Variants in CFAP299 observed in about 807,000 individuals in gnomAD.
CFAP299 encodes cilia- and flagella-associated protein 299.
CFAP299 carries 21 observed loss-of-function variants against 27.0 expected under a neutral mutation model. The ratio of observed to expected loss-of-function variants is 0.78; its 90% CI spans 0.55 to 1.12. CFAP299 has a LOEUF of 1.12. Among genes scored for constraint, CFAP299 ranks in the 50% most tolerant of loss-of-function variants. The pLI is 0.00. For missense variants in CFAP299, 310 were observed against 276.6 expected (o/e 1.12, Z -0.86); for synonymous variants, 104 against 98.1 (o/e 1.06, Z -0.36).
intron 2 of CFAP299, among the ~76,000 whole-genome samples, chr4:80,457,946 C>A (rs148090234): frequency 4.5e-4 from 69 of 152,264 alleles, no homozygotes; most frequent in African/African-American, 1.6e-3. Context: ...TCCCGACGTC[C>A]ATTTCTATCC....
At chr4:80,904,108 T>C (rs1348432588) in intron 4 of CFAP299, among the ~76,000 whole-genome samples, 3 of 152,144 alleles carry the variant, frequency 2.0e-5, no homozygotes, top group Non-Finnish European at 2.9e-5. Flanking sequence ...AAATAGAAGG[T>C]TTTCCAGTTG....
chr4:80,848,458 A>G (rs969289867), intron 3 of CFAP299, among the ~76,000 whole-genome samples: 1 of 152,130 alleles, frequency 6.6e-6, no homozygotes. Flanking sequence ...ATTGTAGGCA[A>G]TTGTAACACA....
intron 1 of CFAP299, among the ~76,000 whole-genome samples, chr4:80,350,786 G>A (rs1484331597): frequency 2.0e-5 from 3 of 152,234 alleles, no homozygotes; most frequent in East Asian, 3.9e-4. Flanking sequence ...CCTGTTGGGG[G>A]TGGAGGGAAA....
chr4:80,429,499 GTTAAT>G (rs777711201), intron 2 of CFAP299, among the ~76,000 whole-genome samples: 13 of 152,060 alleles, frequency 8.5e-5, no homozygotes, highest in Non-Finnish European at 1.8e-4. Context: ...TTCCACACTT[GTTAAT>G]TTATTTTGGT....
chr4:80,406,958 G>A (rs1192319563), intron 2 of CFAP299, among the ~76,000 whole-genome samples: 1 of 151,886 alleles, frequency 6.6e-6, no homozygotes. Context: ...CAAAATCTGG[G>A]CAATACCATT....
At chr4:80,860,688 G>A (rs188418921) in intron 3 of CFAP299, among the ~76,000 whole-genome samples, 1 of 152,336 alleles carries the variant, frequency 6.6e-6, no homozygotes, top group African/African-American at 2.4e-5. Flanking sequence ...GACACTGTTT[G>A]CCTGGGTATC....
At position 80,447,414 on chromosome 4, in the gene CFAP299, C is replaced by T. The variant is rs532504562; in HGVS notation, c.242+84530C>T. 2.0e-5 allele frequency among the ~76,000 whole-genome samples: 3 copies of T among 148,402 alleles called. No homozygotes were observed. The East Asian group carries it at 6.1e-4, about 30-fold the overall frequency. ...CCTCCCAAAGTGCTGGGATTACAGG[C>T]GTGAGCCACCGCGCCCGGCCTATTT... On this transcript the variant is annotated intron_variant, in intron 2 of 5. Coordinates refer to ENST00000358105, the MANE Select transcript of CFAP299 (RefSeq NM_152770.3).
At chr4:80,798,374 T>C (rs1478387745) in intron 3 of CFAP299, among the ~76,000 whole-genome samples, 1 of 152,114 alleles carries the variant, frequency 6.6e-6, no homozygotes. Context: ...CTACTAGGGA[T>C]AGGGAAGCTG....
At chr4:80,450,094 G>A (rs1260074304) in intron 2 of CFAP299, among the ~76,000 whole-genome samples, 1 of 152,122 alleles carries the variant, frequency 6.6e-6, no homozygotes, top group East Asian at 1.9e-4. Flanking sequence ...GCATTATTTT[G>A]AGATTGCTTA....
At chr4:80,453,719 T>C (rs925042866) in intron 2 of CFAP299, among the ~76,000 whole-genome samples, 8 of 151,390 alleles carry the variant, frequency 5.3e-5, no homozygotes, top group African/African-American at 1.9e-4. Flanking sequence ...CGCGTGCCTG[T>C]AATCTCAGCT....
At chr4:80,873,245 C>A (rs1733202437) in intron 4 of CFAP299, among the ~76,000 whole-genome samples, 4 of 152,104 alleles carry the variant, frequency 2.6e-5, no homozygotes, top group Admixed American at 2.6e-4. Context: ...TTCATAAAGT[C>A]TCTATATCCT....
At chr4:80,789,606 G>A (rs1340572105) in intron 3 of CFAP299, among the ~76,000 whole-genome samples, 1 of 152,004 alleles carries the variant, frequency 6.6e-6, no homozygotes, top group Non-Finnish European at 1.5e-5. Context: ...TTATTAGCAT[G>A]AACTATGTTT....
intron 2 of CFAP299, among the ~76,000 whole-genome samples, chr4:80,418,318 T>C (rs1399424362): frequency 6.6e-6 from 1 of 152,172 alleles, no homozygotes; most frequent in African/African-American, 2.4e-5. Context: ...TATATATATG[T>C]TTGCTATTTC....
chr4:80,628,505 T>G (rs1035365236), intron 3 of CFAP299, among the ~76,000 whole-genome samples: 13 of 152,066 alleles, frequency 8.5e-5, no homozygotes, highest in African/African-American at 2.9e-4. Context: ...CTCAAAAGCT[T>G]CTGTGCAGCA....
intron 3 of CFAP299, among the ~76,000 whole-genome samples, chr4:80,593,808 C>T (rs1451382311): frequency 6.6e-6 from 1 of 152,164 alleles, no homozygotes; most frequent in Non-Finnish European, 1.5e-5. Context: ...GACTTTTCTT[C>T]TCTTCTAACA....
chr4:80,766,052 A>C (rs566616276), intron 3 of CFAP299, among the ~76,000 whole-genome samples: 57 of 152,310 alleles, frequency 3.7e-4, no homozygotes, highest in African/African-American at 1.3e-3. Context: ...GATGAAACTC[A>C]TGAATCTTAA....
chr4:80,754,550 T>A (rs981590909), intron 3 of CFAP299, among the ~76,000 whole-genome samples: 6 of 117,586 alleles, frequency 5.1e-5, no homozygotes, highest in African/African-American at 2.2e-4. Flanking sequence ...AGAGGATGGA[T>A]CTGGCTTTTT....
chr4:80,394,142 T>G (rs901895438), intron 2 of CFAP299, among the ~76,000 whole-genome samples: 3 of 152,178 alleles, frequency 2.0e-5, no homozygotes, highest in Non-Finnish European at 4.4e-5. Context: ...TCCAGGCAAG[T>G]GGAACTGTGA....
chr4:80,914,197 A>G (rs763983303), intron 4 of CFAP299, among the ~76,000 whole-genome samples: 17 of 152,192 alleles, frequency 1.1e-4, no homozygotes, highest in Non-Finnish European at 5.9e-5. Context: ...TTTCTTGGTT[A>G]AATATCTATT....
Sources: allele counts gnomAD v4.1 joint callset (sites outside exome capture counted in the v4.1 genomes callset), GRCh38; gene constraint gnomAD v4.1.1; transcripts MANE v1.5; gene names NCBI Gene and HGNC (gene_info 2026-07-23, HGNC 2026-07-21).